Variants in ANKRD12 observed in about 807,000 individuals in gnomAD.
The protein encoded by ANKRD12 is ankyrin repeat domain-containing protein 12.
Under a neutral mutation model 183.4 loss-of-function variants are expected in ANKRD12, and 85 were observed. The observed-to-expected ratio is 0.46, with a 90% CI of 0.39 to 0.56. The LOEUF (loss-of-function observed/expected upper bound fraction) is 0.56. Among genes scored for constraint, ANKRD12 ranks in the 20% least tolerant of loss-of-function variants. ANKRD12 has a pLI of 0.00. For synonymous variants in ANKRD12, 914 were observed against 800.2 expected, an observed-to-expected ratio of 1.14 and a Z score of -2.40; for missense variants, 2,405 against 2,357.1, an observed-to-expected ratio of 1.02 and a Z score of -0.42.
chr18:9,221,434 C>T (rs1050322953), intron 7 of ANKRD12, among the ~76,000 whole-genome samples: 7 of 152,262 alleles, frequency 4.6e-5, no homozygotes, highest in African/African-American at 1.7e-4. Context: ...TAGCCTAAAG[C>T]AGAAGGGAAA....
Position 9,256,937 on chromosome 18 carries a change from A to G in ANKRD12, c.3670A>G (p.Arg1224Gly). ...DSCHTTVTTPRPPVEYDSDFM... is the reference protein window; with the variant it reads ...DSCHTTVTTPGPPVEYDSDFM... The stretch of plus-strand genomic sequence containing the variant: ...CTGCCATACTACAGTGACAACCCCA[A>G]GGCCTCCAGTTGAGTATGACTCTGA... The change falls in exon 9 of 13, where the codon AGG becomes GGG. Residue 1224 changes from arginine (R) to glycine (G), a missense_variant. Coordinates refer to ENST00000262126, the MANE Select transcript of ANKRD12 (RefSeq NM_015208.5). 1 of 1,614,062 alleles carries G rather than the reference A, an allele frequency of 6.2e-7. No homozygotes were observed. Among genetic ancestry groups the G allele is most frequent in the Non-Finnish European group, 8.5e-7 (1 of 1,179,986 alleles).
intron 2 of ANKRD12, among the ~76,000 whole-genome samples, chr18:9,194,061 AT>A (rs2034623029): frequency 6.6e-6 from 1 of 152,176 alleles, no homozygotes; most frequent in African/African-American, 2.4e-5. Flanking sequence ...TAGGGTTGTA[AT>A]CTACTGGCCT....
chr18:9,186,624 C>T (rs1239931639), intron 2 of ANKRD12, among the ~76,000 whole-genome samples: 3 of 152,084 alleles, frequency 2.0e-5, no homozygotes, highest in African/African-American at 4.8e-5. Flanking sequence ...AGTTTTTATT[C>T]CAAAGATGCT....
intron 9 of ANKRD12, among the ~76,000 whole-genome samples, chr18:9,262,171 A>G (rs189586035): frequency 1.4e-4 from 21 of 152,234 alleles, no homozygotes; most frequent in Admixed American, 1.2e-3. Flanking sequence ...GCCAGGTGTG[A>G]TTTTTGTCAA....
chr18:9,237,277 T>C (rs4798789), intron 8 of ANKRD12, among the ~76,000 whole-genome samples: 1 of 152,016 alleles, frequency 6.6e-6, no homozygotes, highest in East Asian at 1.9e-4. Context: ...AAATGATACA[T>C]GGATGGGGTG....
At position 9,255,850 on chromosome 18, in the gene ANKRD12, T is replaced by C; in HGVS notation, c.2583T>C (p.Ser861=). 1 of 1,584,256 alleles carries C rather than the reference T, an allele frequency of 6.3e-7. No homozygotes were observed. The highest frequency in any genetic ancestry group is 8.5e-7 in the Non-Finnish European group (1 of 1,171,894). ...CAGAAAAAGACAAATTAGATCTTAGTGAATGTGTTGATAAAATAAAAGAAA... is the reference window on the plus strand; with the variant it reads ...CAGAAAAAGACAAATTAGATCTTAGCGAATGTGTTGATAAAATAAAAGAAA... ...HKSEKDKLDL[S]ECVDKIKEKD... is the part of the protein sequence containing the mutation. Residue 861 remains serine, a synonymous_variant, in exon 9 of 13, where the codon AGT becomes AGC. Coordinates refer to ENST00000262126, the MANE Select transcript of ANKRD12 (RefSeq NM_015208.5).
At chr18:9,273,485 C>T (rs986667008) in intron 10 of ANKRD12, among the ~76,000 whole-genome samples, 3 of 152,152 alleles carry the variant, frequency 2.0e-5, no homozygotes, top group Non-Finnish European at 4.4e-5. Flanking sequence ...ACATATGTAA[C>T]AAGTGCTGGT....
At position 9,282,604 on chromosome 18, in the gene ANKRD12, T is replaced by A; in HGVS notation, c.*1478T>A. ...GTTAGCGTACAATTTATCATAAATATATGAGGTAAAATTTGCAAAACTTTC... is the reference window on the plus strand; with the variant it reads ...GTTAGCGTACAATTTATCATAAATAAATGAGGTAAAATTTGCAAAACTTTC... On this transcript the variant is annotated 3_prime_UTR_variant, in exon 13 of 13. Transcript: ENST00000262126. The A allele has an allele frequency of 6.5e-6, 1 of 152,694 alleles. No individual in the cohort carries two copies. Among genetic ancestry groups the A allele is most frequent in the Admixed American group, 6.5e-5 (1 of 15,308 alleles). 9.5% of individuals were successfully genotyped at this position (152,694 alleles called of 1,614,324 possible).
intron 5 of ANKRD12, 118 bp downstream of exon 5, chr18:9,208,921 G>A: frequency 9.8e-7 from 1 of 1,023,218 alleles, no homozygotes; most frequent in Non-Finnish European, 1.4e-6. Flanking sequence ...GATTTAATCA[G>A]AATTACTTGT....
intron 1 of ANKRD12, among the ~76,000 whole-genome samples, chr18:9,142,128 A>G (rs2078338861): frequency 1.3e-5 from 2 of 152,082 alleles, no homozygotes; most frequent in Admixed American, 6.5e-5. Context: ...CAGATTTCAG[A>G]TTGTTACTCC....
chr18:9,212,951 A>G (rs1424147197), intron 6 of ANKRD12, among the ~76,000 whole-genome samples: 1 of 151,892 alleles, frequency 6.6e-6, no homozygotes, highest in African/African-American at 2.4e-5. Flanking sequence ...TTTAATCTAC[A>G]AGAGCCTTTA....
At chr18:9,249,001 CTT>C (rs1450022398) in intron 8 of ANKRD12, among the ~76,000 whole-genome samples, 1 of 152,196 alleles carries the variant, frequency 6.6e-6, no homozygotes, top group Non-Finnish European at 1.5e-5. Flanking sequence ...ACACTTCTCT[CTT>C]ATCCCACCAT....
intron 11 of ANKRD12, among the ~76,000 whole-genome samples, 175 bp from the exon 12 acceptor site, chr18:9,279,374 C>G (rs927205337): frequency 6.6e-6 from 1 of 152,106 alleles, no homozygotes; most frequent in Non-Finnish European, 1.5e-5. Context: ...ACCAATCTGT[C>G]TACACAATGT....
intron 1 of ANKRD12, among the ~76,000 whole-genome samples, chr18:9,150,642 A>G (rs978648128): frequency 4.6e-5 from 7 of 151,782 alleles, no homozygotes; most frequent in African/African-American, 1.2e-4. Context: ...TTTTTTTAAA[A>G]TTTATTTTTA....
rs544466688 is a variant in ANKRD12 at position 9,257,531 on chromosome 18, C to G, written c.4264C>G (p.Pro1422Ala). Residue 1422 changes from proline (P) to alanine (A), a missense_variant, in exon 9 of 13, where the codon CCT (proline) becomes GCT (alanine). By Grantham distance (27) the Pro-to-Ala change is conservative. Transcript: ENST00000262126. The part of the protein sequence containing the change: ...GVIQNKSWEM[P>A]VDRLETLSTR... ...GATCCAGAATAAATCATGGGAGATG[C>G]CTGTTGATAGACTAGAGACATTAAG... The G allele has an allele frequency of 1.4e-5, 23 of 1,613,948 alleles. No homozygotes were observed. The highest frequency in any genetic ancestry group is 1.8e-5 in the Non-Finnish European group (21 of 1,179,992).
chr18:9,178,823 C>G (rs566281257), intron 1 of ANKRD12, among the ~76,000 whole-genome samples: 8 of 152,156 alleles, frequency 5.3e-5, no homozygotes, highest in African/African-American at 1.9e-4. Context: ...TTTTTCACTT[C>G]TTTCCAAAGT....
chr18:9,140,364 A>G (rs2078274344), intron 1 of ANKRD12, among the ~76,000 whole-genome samples: 1 of 152,186 alleles, frequency 6.6e-6, no homozygotes, highest in African/African-American at 2.4e-5. Flanking sequence ...TAACTCCTGT[A>G]GATACATTTT....
intron 2 of ANKRD12, 102 bp from the exon 3 acceptor site, chr18:9,195,448 TA>T: frequency 1.3e-6 from 1 of 756,150 alleles, no homozygotes; most frequent in Non-Finnish European, 1.9e-6. Context: ...TGATAGGTAA[TA>T]CTATCTCTTT....
At chr18:9,205,268 TG>T (rs1367852806) in intron 4 of ANKRD12, among the ~76,000 whole-genome samples, 112 of 152,206 alleles carry the variant, frequency 7.4e-4, no homozygotes, top group Non-Finnish European at 8.2e-4. Context: ...TGTTTTTGAT[TG>T]TCTTTTTTTA....
Sources: allele counts gnomAD v4.1 joint callset (sites outside exome capture counted in the v4.1 genomes callset), GRCh38; gene constraint gnomAD v4.1.1; transcripts MANE v1.5; gene names NCBI Gene and HGNC (gene_info 2026-07-23, HGNC 2026-07-21).